Variants in EVA1A observed in about 807,000 individuals in gnomAD.
EVA1A encodes protein eva-1 homolog A.
EVA1A carries 7 observed loss-of-function variants against 9.8 expected under a neutral mutation model. The observed-to-expected ratio is 0.71, with a 90% CI of 0.41 to 1.34. EVA1A has a LOEUF of 1.34. EVA1A is among the 40% of genes most tolerant of loss of function. EVA1A has a pLI of 0.01. For missense variants in EVA1A, 206 were observed against 205.9 expected, an observed-to-expected ratio of 1.00 and a Z score of 0.00; for synonymous variants, 90 against 85.6, an observed-to-expected ratio of 1.05 and a Z score of -0.28.
At chr2:75,552,303 C>T (rs1471676468) in intron 1 of EVA1A, among the ~76,000 whole-genome samples, 1 of 152,122 alleles carries the variant, frequency 6.6e-6, no homozygotes, top group Non-Finnish European at 1.5e-5. Context: ...ATTTCAAACT[C>T]AACATATCTG....
chr2:75,494,618 C>T (rs1447955196), intron 3 of EVA1A, among the ~76,000 whole-genome samples: 1 of 152,198 alleles, frequency 6.6e-6, no homozygotes, highest in African/African-American at 2.4e-5. Flanking sequence ...GGTTGTGAAT[C>T]ATCCCTCCAT....
chr2:75,510,300 A>C (rs1674765584), intron 3 of EVA1A, among the ~76,000 whole-genome samples: 1 of 152,188 alleles, frequency 6.6e-6, no homozygotes, highest in East Asian at 1.9e-4. Context: ...AATTATATAT[A>C]TTAATACATG....
intron 1 of EVA1A, among the ~76,000 whole-genome samples, chr2:75,532,243 A>G (rs1218184055): frequency 1.3e-5 from 2 of 151,972 alleles, no homozygotes; most frequent in African/African-American, 4.8e-5. Flanking sequence ...GAAATAAAAA[A>G]CATTTTAAAA....
rs754426555 is a variant in EVA1A, at chr2:75,493,468, T to A, written c.227A>T (p.Glu76Val). 38 of 1,614,238 alleles carry A rather than the reference T, an allele frequency of 2.4e-5. No homozygotes were observed. The East Asian group carries it at 8.0e-4, about 34-fold the overall frequency. The change falls in exon 4 of 4, where the codon GAG (glutamate) becomes GTG (valine). Residue 76 changes from glutamate (E) to valine (V), a missense_variant. Physicochemically the swap from Glu to Val is moderately radical, Grantham distance 121. Transcript: ENST00000393913. ...RPGKKFLQDR[E>V]SSSDSSDSED... ...GCTGTCGCTGCTGTCGCTGCTGCTC[T>A]CTCTGTCCTGCAGGAACTTCTTCCC...
intron 1 of EVA1A, among the ~76,000 whole-genome samples, chr2:75,546,871 G>A (rs1676347321): frequency 7.3e-6 from 1 of 137,174 alleles, no homozygotes; most frequent in African/African-American, 2.8e-5. Flanking sequence ...CAGCGAAGAT[G>A]ATGTGAAAAG....
intron 1 of EVA1A, among the ~76,000 whole-genome samples, chr2:75,530,830 T>A (rs1457777239): frequency 6.6e-6 from 1 of 152,128 alleles, no homozygotes; most frequent in Admixed American, 6.5e-5. Flanking sequence ...GCATTCCCCC[T>A]GAGAACTGAA....
chr2:75,567,363 A>G (rs1193799985), intron 1 of EVA1A, among the ~76,000 whole-genome samples: 1 of 152,204 alleles, frequency 6.6e-6, no homozygotes, highest in African/African-American at 2.4e-5. Flanking sequence ...ACCTCATAGC[A>G]TACCTGAACT....
chr2:75,510,363 C>T lies in EVA1A; in HGVS notation c.85+7693G>A, dbSNP rs542627023. 3.9e-5 allele frequency among the ~76,000 whole-genome samples: 6 copies of T among 152,294 alleles called. No individual in the cohort carries two copies. In the East Asian group the frequency reaches 1.2e-3, roughly 29 times the overall value. On this transcript the variant is annotated intron_variant, in intron 3 of 3. Coordinates refer to ENST00000393913, the MANE Select transcript of EVA1A (RefSeq NM_001135032.2). Reference sequence around the variant, plus strand: ...TACTGCAAGTCTCCAATGCCTTGGGCATAGCTTAAAGGCTAAGGACACAAA... The same window carrying T: ...TACTGCAAGTCTCCAATGCCTTGGGTATAGCTTAAAGGCTAAGGACACAAA...
chr2:75,532,048 T>A (rs928847709), intron 1 of EVA1A, among the ~76,000 whole-genome samples: 1 of 150,494 alleles, frequency 6.6e-6, no homozygotes, highest in African/African-American at 2.4e-5. Flanking sequence ...TGGTCCCACC[T>A]ACTCGGGAGG....
intron 1 of EVA1A, among the ~76,000 whole-genome samples, chr2:75,554,108 T>C (rs1399781863): frequency 6.6e-6 from 1 of 152,168 alleles, no homozygotes; most frequent in Non-Finnish European, 1.5e-5. Context: ...AGGCAGCCCT[T>C]TTGATCAAAG....
chr2:75,499,531 T>C (rs1401661303), intron 3 of EVA1A, among the ~76,000 whole-genome samples: 2 of 152,206 alleles, frequency 1.3e-5, no homozygotes, highest in Non-Finnish European at 2.9e-5. Context: ...GCCCATTTGC[T>C]GGAGAAATGG....
chr2:75,539,923 A>G (rs1264458052), intron 1 of EVA1A, among the ~76,000 whole-genome samples: 2 of 152,210 alleles, frequency 1.3e-5, no homozygotes, highest in South Asian at 2.1e-4. Context: ...CAGAGTCACC[A>G]GGAAGAACCA....
intron 1 of EVA1A, among the ~76,000 whole-genome samples, chr2:75,545,142 AG>A: frequency 6.6e-6 from 1 of 152,352 alleles, no homozygotes; most frequent in African/African-American, 2.4e-5. Context: ...AATGCTGAAA[AG>A]TTTCCAAAAA....
At chr2:75,538,919 A>G (rs1247105563) in intron 1 of EVA1A, among the ~76,000 whole-genome samples, 1 of 152,252 alleles carries the variant, frequency 6.6e-6, no homozygotes, top group African/African-American at 2.4e-5. Flanking sequence ...AATGTTCTGT[A>G]TCTTGACTGT....
chr2:75,567,436 A>G (rs1392342389), intron 1 of EVA1A, among the ~76,000 whole-genome samples: 1 of 152,192 alleles, frequency 6.6e-6, no homozygotes, highest in South Asian at 2.1e-4. Context: ...CAAATTCCTC[A>G]AAGACTTATT....
intron 1 of EVA1A, among the ~76,000 whole-genome samples, chr2:75,566,380 A>T (rs1677029127): frequency 6.6e-6 from 1 of 152,152 alleles, no homozygotes; most frequent in African/African-American, 2.4e-5. Context: ...TTCAGAAAGC[A>T]AAGTTTTACC....
At chr2:75,510,396 G>A (rs560905526) in intron 3 of EVA1A, among the ~76,000 whole-genome samples, 1 of 152,250 alleles carries the variant, frequency 6.6e-6, no homozygotes, top group Non-Finnish European at 1.5e-5. Flanking sequence ...AAAGGCCCTT[G>A]GCCCTCACAG....
chr2:75,509,374 A>G (rs968352000), intron 3 of EVA1A, among the ~76,000 whole-genome samples: 147 of 152,170 alleles, frequency 9.7e-4, no homozygotes, highest in Non-Finnish European at 2.4e-4. Flanking sequence ...TTTATCAGAC[A>G]TTTACTTTCA....
chr2:75,551,581 C>G (rs929083884), intron 1 of EVA1A, among the ~76,000 whole-genome samples: 1 of 152,160 alleles, frequency 6.6e-6, no homozygotes, highest in African/African-American at 2.4e-5. Context: ...CTGCCACTCT[C>G]GGAAGCAATC....
Sources: allele counts gnomAD v4.1 joint callset (sites outside exome capture counted in the v4.1 genomes callset), GRCh38; gene constraint gnomAD v4.1.1; transcripts MANE v1.5; gene names NCBI Gene and HGNC (gene_info 2026-07-23, HGNC 2026-07-21).